FGF12: variants seen among roughly 807,000 people sequenced by gnomAD.
FGF12 encodes fibroblast growth factor 12, also known as fibroblast growth factor 12B.
Under a neutral mutation model 23.6 loss-of-function variants are expected in FGF12, and 14 were observed. That is an observed-to-expected ratio of 0.59 (90% confidence interval 0.39 to 0.93). The LOEUF (loss-of-function observed/expected upper bound fraction) is 0.93. FGF12 is among the 40% of genes least tolerant of loss of function. The pLI is 0.00. For missense variants in FGF12, 175 were observed against 217.8 expected (o/e 0.80, Z 1.24); for synonymous variants, 62 against 77.3 (o/e 0.80, Z 1.04).
chr3:192,146,023 G>A (rs1407530428), intron 5 of FGF12, among the ~76,000 whole-genome samples: 2 of 152,166 alleles, frequency 1.3e-5, no homozygotes, highest in East Asian at 3.8e-4. Flanking sequence ...GGGAACGCAA[G>A]AAGCAACGAG....
intron 4 of FGF12, among the ~76,000 whole-genome samples, chr3:192,248,074 A>G (rs1052381879): frequency 1.3e-5 from 2 of 152,294 alleles, no homozygotes; most frequent in East Asian, 3.9e-4. Context: ...TTGTTCCAAT[A>G]TACTATCTAG....
chr3:192,335,097 T>C (rs980839333), intron 4 of FGF12, among the ~76,000 whole-genome samples: 1 of 152,064 alleles, frequency 6.6e-6, no homozygotes. Flanking sequence ...AAGGTAAAAT[T>C]CCAAAAGGAG....
chr3:192,226,925 A>T (rs1264456904), intron 4 of FGF12, among the ~76,000 whole-genome samples: 1 of 47,780 alleles, frequency 2.1e-5, no homozygotes, highest in African/African-American at 9.4e-5. Context: ...TGTGTCAATT[A>T]AAAAAAATGA....
At chr3:192,315,194 C>T (rs1362969012) in intron 4 of FGF12, among the ~76,000 whole-genome samples, 12 of 152,164 alleles carry the variant, frequency 7.9e-5, no homozygotes, top group African/African-American at 2.7e-4. Flanking sequence ...TGCTGCACTC[C>T]GTGATCTATC....
intron 5 of FGF12, among the ~76,000 whole-genome samples, chr3:192,147,524 G>A (rs565311864): frequency 1.3e-5 from 2 of 152,262 alleles, no homozygotes; most frequent in South Asian, 2.1e-4. Flanking sequence ...TGTGCAAAAC[G>A]TAAACGAAAA....
At chr3:192,316,449 G>A (rs145278850) in intron 4 of FGF12, among the ~76,000 whole-genome samples, 1 of 152,322 alleles carries the variant, frequency 6.6e-6, no homozygotes, top group African/African-American at 2.4e-5. Context: ...GAACCTGTGT[G>A]TTTGGGGTAA....
At chr3:192,669,339 G>C (rs1717017648) in intron 2 of FGF12, among the ~76,000 whole-genome samples, 1 of 152,032 alleles carries the variant, frequency 6.6e-6, no homozygotes. Context: ...TGTAATCCCA[G>C]CACTTTGGGA....
At chr3:192,176,147 G>A (rs909816875) in intron 4 of FGF12, among the ~76,000 whole-genome samples, 1 of 152,140 alleles carries the variant, frequency 6.6e-6, no homozygotes, top group Non-Finnish European at 1.5e-5. Context: ...GACTCCCACT[G>A]TCAACACTGT....
intron 4 of FGF12, among the ~76,000 whole-genome samples, chr3:192,291,225 A>G (rs1312897418): frequency 6.6e-6 from 1 of 152,182 alleles, no homozygotes; most frequent in Non-Finnish European, 1.5e-5. Context: ...AACACTTTTC[A>G]TTTATTAATT....
chr3:192,324,471 G>A (rs1005051673), intron 4 of FGF12, among the ~76,000 whole-genome samples: 1 of 152,154 alleles, frequency 6.6e-6, no homozygotes, highest in Non-Finnish European at 1.5e-5. Flanking sequence ...ACTGAGTGTT[G>A]AGTACATAAT....
chr3:192,442,808 C>CT (rs764710938), intron 2 of FGF12, among the ~76,000 whole-genome samples: 1,954 of 139,702 alleles, frequency 0.014, 67 homozygotes, highest in African/African-American at 0.041. Context: ...TGTATTCTAT[C>CT]TTTTTTTTTT....
At chr3:192,523,817 T>C (rs1230448662) in intron 2 of FGF12, among the ~76,000 whole-genome samples, 1 of 152,104 alleles carries the variant, frequency 6.6e-6, no homozygotes, top group Non-Finnish European at 1.5e-5. Flanking sequence ...GATAGAGAAA[T>C]GTGAAGCCTG....
At chr3:192,426,278 G>A (rs973599642) in intron 2 of FGF12, among the ~76,000 whole-genome samples, 2 of 152,152 alleles carry the variant, frequency 1.3e-5, no homozygotes, top group African/African-American at 4.8e-5. Flanking sequence ...AGCTCTGATA[G>A]TCTGTGATTC....
chr3:192,421,942 G>T (rs1721542915), intron 2 of FGF12, among the ~76,000 whole-genome samples: 1 of 152,080 alleles, frequency 6.6e-6, no homozygotes, highest in Admixed American at 6.6e-5. Context: ...GTGAAGGAAA[G>T]AAATATGAAG....
In FGF12 at chr3:192,335,487, G is replaced by A. The variant is rs772375689; in HGVS notation, c.125-23C>T. Reference sequence around the variant, plus strand: ...GAGCTGGGGGGAGAAAAAGAAGGGCGGAAAGGATCAGTGACCTTTTGAATA... The same window carrying A: ...GAGCTGGGGGGAGAAAAAGAAGGGCAGAAAGGATCAGTGACCTTTTGAATA... On this transcript the variant is annotated intron_variant, in intron 3 of 5. Transcript: ENST00000445105. 6.9e-5 allele frequency: 99 copies of A among 1,427,136 alleles called. No homozygotes were observed. The Admixed American group carries it at 8.9e-4, about 13-fold the overall frequency. The allele number at this position is 1,427,136 out of a possible 1,614,324, so 88.4% of individuals were successfully genotyped here.
chr3:192,356,229 T>C lies in FGF12; in HGVS notation c.124+4199A>G, dbSNP rs73068551. 2.8e-3 allele frequency among the ~76,000 whole-genome samples: 428 copies of C among 152,276 alleles called. 1 individual carries two copies. Among genetic ancestry groups the C allele is most frequent in the African/African-American group, 9.7e-3 (405 of 41,574 alleles). The stretch of plus-strand genomic sequence containing the variant: ...GGGTTTTCTTGTAAACCTCTCCCTT[T>C]GCCTCAAGTGCCAGGACAGCATCTG... On this transcript the variant is annotated intron_variant, in intron 3 of 5. Transcript: ENST00000445105.
intron 4 of FGF12, among the ~76,000 whole-genome samples, chr3:192,182,918 C>T (rs1309499766): frequency 2.0e-5 from 3 of 152,190 alleles, no homozygotes; most frequent in Non-Finnish European, 4.4e-5. Flanking sequence ...TAAAATTATG[C>T]CTACGGCCAT....
At chr3:192,609,663 C>T (rs909130262) in intron 2 of FGF12, among the ~76,000 whole-genome samples, 1 of 151,910 alleles carries the variant, frequency 6.6e-6, no homozygotes, top group African/African-American at 2.4e-5. Context: ...AGCCAAGAAC[C>T]CGTAAAATAG....
chr3:192,268,196 G>T (rs1713199113), intron 4 of FGF12, among the ~76,000 whole-genome samples: 1 of 152,104 alleles, frequency 6.6e-6, no homozygotes, highest in Non-Finnish European at 1.5e-5. Flanking sequence ...ATTACAAACT[G>T]ATTACCCAGA....
Sources: gnomAD v4.1 joint callset for allele counts (sites outside exome capture counted in the v4.1 genomes callset) on GRCh38, gnomAD v4.1.1 for gene constraint, MANE v1.5 for transcripts, NCBI Gene and HGNC (gene_info 2026-07-23, HGNC 2026-07-21) for gene names.